FER1L6: variants seen among roughly 807,000 people sequenced by gnomAD.
The protein encoded by FER1L6 is fer-1-like protein 6.
Under a neutral mutation model 219.2 loss-of-function variants are expected in FER1L6, and 177 were observed. The observed-to-expected ratio is 0.81, with a 90% CI of 0.71 to 0.91. FER1L6 has a LOEUF of 0.91. FER1L6 is among the 40% of genes least tolerant of loss of function. The pLI, the probability that FER1L6 is intolerant of heterozygous loss-of-function variation, is 0.00. For missense variants in FER1L6, 2,153 were observed against 2,259.9 expected (o/e 0.95, Z 0.96); for synonymous variants, 768 against 824.3 (o/e 0.93, Z 1.17).
intron 39 of FER1L6, among the ~76,000 whole-genome samples, chr8:124,106,522 C>T (rs371995189): frequency 2.0e-5 from 3 of 152,050 alleles, no homozygotes; most frequent in African/African-American, 7.2e-5. Flanking sequence ...TCTCACTGCT[C>T]CCCTCTCAAC....
intron 2 of FER1L6, among the ~76,000 whole-genome samples, chr8:123,958,908 C>T (rs1271317167): frequency 6.6e-6 from 1 of 151,368 alleles, no homozygotes; most frequent in African/African-American, 2.4e-5. Flanking sequence ...TTGTGAGATT[C>T]GACGGAACTG....
chr8:124,023,792 T>C (rs1818575739), intron 18 of FER1L6, among the ~76,000 whole-genome samples, 196 bp downstream of exon 18: 1 of 152,202 alleles, frequency 6.6e-6, no homozygotes. Context: ...TTTTCAGTTT[T>C]TTTAACTGTT....
chr8:123,983,564 GT>G (rs1816419950), intron 11 of FER1L6, among the ~76,000 whole-genome samples: 1 of 152,192 alleles, frequency 6.6e-6, no homozygotes. Flanking sequence ...ATTTCCTGGA[GT>G]GAGTGAAGTA....
At chr8:123,855,783 T>C (rs954315939) in intron 1 of FER1L6, among the ~76,000 whole-genome samples, 1 of 146,510 alleles carries the variant, frequency 6.8e-6, no homozygotes, top group Non-Finnish European at 1.5e-5. Flanking sequence ...TATATGTGTG[T>C]GTGTGTATAT....
At chr8:123,898,788 C>T (rs1199657872) in intron 1 of FER1L6, among the ~76,000 whole-genome samples, 4 of 82,486 alleles carry the variant, frequency 4.8e-5, no homozygotes, top group Non-Finnish European at 8.7e-5. Context: ...TACGTATGTA[C>T]ATATATACAT....
intron 18 of FER1L6, among the ~76,000 whole-genome samples, chr8:124,030,758 T>C (rs916748795): frequency 6.6e-5 from 10 of 152,166 alleles, no homozygotes; most frequent in Non-Finnish European, 5.9e-5. Flanking sequence ...TTCTCTGTCC[T>C]GCCACAGAGT....
chr8:123,895,807 G>A (rs1211969679), intron 1 of FER1L6, among the ~76,000 whole-genome samples: 1 of 152,164 alleles, frequency 6.6e-6, no homozygotes, highest in African/African-American at 2.4e-5. Flanking sequence ...ATTAACTATT[G>A]TCTCGCCCAT....
Position 124,103,082 on chromosome 8 carries a change from T to C in FER1L6, c.5126-64T>C, listed in dbSNP as rs551601881. 2.8e-6 allele frequency: 4 copies of C among 1,422,342 alleles called. No homozygotes were observed. In the African/African-American group the frequency reaches 5.6e-5, roughly 20 times the overall value. The allele number at this position is 1,422,342 out of a possible 1,614,324, so 88.1% of individuals were successfully genotyped here. ...GTGAATGAATGAATGAGGATGGTGA[T>C]TGAGAAGCTCTTCTGTTACTTTTAG... On this transcript the variant is annotated intron_variant, in intron 38 of 40. Transcript: ENST00000522917.
intron 1 of FER1L6, among the ~76,000 whole-genome samples, chr8:123,891,611 G>C (rs537661255): frequency 6.6e-6 from 1 of 152,290 alleles, no homozygotes; most frequent in South Asian, 2.1e-4. Context: ...GGAAATCACA[G>C]TGTTTTAGTT....
chr8:123,913,580 GT>G, intron 1 of FER1L6, among the ~76,000 whole-genome samples: 1 of 152,150 alleles, frequency 6.6e-6, no homozygotes, highest in South Asian at 2.1e-4. Context: ...TGGGCTCTGT[GT>G]TTTTGTTTTT....
chr8:123,898,997 G>A (rs1158024972), intron 1 of FER1L6, among the ~76,000 whole-genome samples: 2 of 151,498 alleles, frequency 1.3e-5, no homozygotes, highest in East Asian at 1.9e-4. Flanking sequence ...GTATAATGAC[G>A]TCTTTTCCTC....
At chr8:123,961,739 G>A (rs564567627) in intron 2 of FER1L6, among the ~76,000 whole-genome samples, 7 of 152,280 alleles carry the variant, frequency 4.6e-5, no homozygotes, top group Admixed American at 3.9e-4. Context: ...TTACCTTGGG[G>A]TGGAGACTTG....
At chr8:123,902,357 CT>C (rs1437502724) in intron 1 of FER1L6, among the ~76,000 whole-genome samples, 1 of 152,084 alleles carries the variant, frequency 6.6e-6, no homozygotes, top group Non-Finnish European at 1.5e-5. Context: ...TTCATTGTTT[CT>C]TTGTTGACTT....
intron 22 of FER1L6, among the ~76,000 whole-genome samples, chr8:124,054,178 C>G (rs532402161): frequency 6.6e-6 from 1 of 152,292 alleles, no homozygotes; most frequent in East Asian, 1.9e-4. Context: ...TTTACTTTTC[C>G]TGTTCACTCC....
chr8:123,912,286 A>AAAAAG (rs148584904), intron 1 of FER1L6, among the ~76,000 whole-genome samples: 48 of 150,618 alleles, frequency 3.2e-4, no homozygotes, highest in South Asian at 1.3e-3. Flanking sequence ...GTTTAAAAAA[A>AAAAAG]AAGAAGAAGA....
chr8:124,026,080 G>T (rs1818694762), intron 18 of FER1L6, among the ~76,000 whole-genome samples: 1 of 152,104 alleles, frequency 6.6e-6, no homozygotes, highest in African/African-American at 2.4e-5. Flanking sequence ...GATGCCTTCT[G>T]GGTGGGCCCT....
intron 39 of FER1L6, among the ~76,000 whole-genome samples, chr8:124,114,589 G>A (rs1483828275): frequency 6.6e-6 from 1 of 151,990 alleles, no homozygotes; most frequent in Non-Finnish European, 1.5e-5. Flanking sequence ...TCTCAGTGGG[G>A]CAAATAGGAC....
At chr8:123,874,949 C>A (rs1489629527) in intron 1 of FER1L6, among the ~76,000 whole-genome samples, 2 of 152,158 alleles carry the variant, frequency 1.3e-5, no homozygotes, top group Non-Finnish European at 2.9e-5. Flanking sequence ...GTAATCCCAG[C>A]ACTTTGGGAG....
In FER1L6 at chr8:123,999,795, A is replaced by C. The variant is rs200620165; in HGVS notation, c.1520-3372A>C. 3.3e-5 allele frequency among the ~76,000 whole-genome samples: 5 copies of C among 151,892 alleles called. No homozygotes were observed. In the East Asian group the frequency reaches 9.7e-4, roughly 29 times the overall value. On this transcript the variant is annotated intron_variant, in intron 12 of 40. Transcript: ENST00000522917. ...CAAGTTGAAAGACAAGGTCGTCTTT[A>C]CTCTCCTCTCTCCCCTCCTCAAGCA...
Sources: gnomAD v4.1 joint callset for allele counts (sites outside exome capture counted in the v4.1 genomes callset) on GRCh38, gnomAD v4.1.1 for gene constraint, MANE v1.5 for transcripts, NCBI Gene and HGNC (gene_info 2026-07-23, HGNC 2026-07-21) for gene names.